The following FBLN2 variants were observed in gnomAD, a reference collection of about 807,000 sequenced individuals.
FBLN2 encodes fibulin 2.
In FBLN2, 81 loss-of-function variants were observed where a neutral mutation model predicts 123.7. The observed-to-expected ratio is 0.65, with a 90% CI of 0.55 to 0.79. The LOEUF (loss-of-function observed/expected upper bound fraction) is 0.79, where lower values mean the gene tolerates loss of function less well. FBLN2 is among the 30% of genes least tolerant of loss of function. The probability of loss-of-function intolerance (pLI) is 0.00; values close to 1 mark genes in which losing one functional copy is unlikely to be tolerated. For synonymous variants in FBLN2, 699 were observed against 701.4 expected (o/e 1.00, Z 0.05); for missense variants, 1,603 against 1,681.3 (o/e 0.95, Z 0.81).
At chr3:13,606,060 G>A (rs1705193850) in intron 2 of FBLN2, among the ~76,000 whole-genome samples, 1 of 151,792 alleles carries the variant, frequency 6.6e-6, no homozygotes. Context: ...CCAGCTTCCC[G>A]AGTAGCTAGG....
At chr3:13,603,374 C>T (rs1366836122) in intron 2 of FBLN2, among the ~76,000 whole-genome samples, 1 of 149,310 alleles carries the variant, frequency 6.7e-6, no homozygotes, top group Non-Finnish European at 1.5e-5. Context: ...TCTCCTAATG[C>T]TATCCTTCCC....
chr3:13,576,077 G>T lies in FBLN2; in HGVS notation c.1306+4416G>T, dbSNP rs561752386. 5.3e-5 allele frequency among the ~76,000 whole-genome samples: 8 copies of T among 152,336 alleles called. No individual in the cohort carries two copies. In the East Asian group the frequency reaches 1.5e-3, roughly 29 times the overall value. On this transcript the variant is annotated intron_variant, in intron 2 of 17. Transcript: ENST00000404922. ...AGCAGAGTTGGCAGGGGTGGCAGCC[G>T]GTAGGCCTGGAGGAACCCACAGAGA...
rs776385371 is a variant in FBLN2, at chr3:13,582,368, C to T, written c.1306+10707C>T. ...AGGATCTGTGCTGCGAGTTTCCCTG[C>T]GGGCAATGTCGGCATCCTCTACCTG... On this transcript the variant is annotated intron_variant, in intron 2 of 17. Transcript: ENST00000404922. 3.3e-5 allele frequency among the ~76,000 whole-genome samples: 5 copies of T among 152,162 alleles called. 1 individual carries two copies. Among genetic ancestry groups the T allele is most frequent in the Admixed American group, 1.3e-4 (2 of 15,278 alleles).
intron 1 of FBLN2, among the ~76,000 whole-genome samples, chr3:13,561,878 CCT>C (rs762818190): frequency 2.6e-5 from 4 of 152,222 alleles, no homozygotes; most frequent in Non-Finnish European, 5.9e-5. Flanking sequence ...AATCCCCACA[CCT>C]TTTACTACTT....
At chr3:13,570,237 G>C in intron 1 of FBLN2, 78 bp from the exon 2 acceptor site, 1 of 1,417,146 alleles carries the variant, frequency 7.1e-7, no homozygotes, top group Non-Finnish European at 9.2e-7. Flanking sequence ...CTGGGCCCCT[G>C]CCCGCGTGCG....
intron 2 of FBLN2, among the ~76,000 whole-genome samples, chr3:13,603,835 T>G (rs1174475326): frequency 6.6e-6 from 1 of 152,250 alleles, no homozygotes; most frequent in Non-Finnish European, 1.5e-5. Context: ...ATGGTTGAAC[T>G]AGTTTACAGT....
Position 13,570,719 on chromosome 3 carries a change from A to C in FBLN2, c.364A>C (p.Ile122Leu). The change falls in exon 2 of 18, where the codon ATC (isoleucine) becomes CTC (leucine). Residue 122 changes from isoleucine (I) to leucine (L), a missense_variant. Coordinates refer to ENST00000404922, the MANE Select transcript of FBLN2 (RefSeq NM_001004019.2). ...MLCPELPPNC[I>L]EAVVVADSCP... ...GTGCCCGGAGCTGCCGCCCAACTGC[A>C]TCGAGGCTGTAGTGGTGGCTGACAG... 1.3e-6 allele frequency: 2 copies of C among 1,599,778 alleles called. No homozygotes were observed. The highest frequency in any genetic ancestry group is 8.5e-7 in the Non-Finnish European group (1 of 1,173,478).
rs570968001 is a variant in FBLN2, at chr3:13,635,331, G to T, written c.3215-1114G>T. ...GCAGCTCATCCTCAAAGTTTCTCAA[G>T]AACCCATTTCTAAGACCTTTTGTCC... On this transcript the variant is annotated intron_variant, in intron 16 of 17. Transcript: ENST00000404922. Among the ~76,000 whole-genome samples the T allele has an allele frequency of 2.6e-5, 4 of 151,902 alleles. No homozygotes were observed. In the East Asian group the frequency reaches 7.8e-4, roughly 30 times the overall value.
At chr3:13,595,844 A>G (rs1704824774) in intron 2 of FBLN2, among the ~76,000 whole-genome samples, 1 of 152,240 alleles carries the variant, frequency 6.6e-6, no homozygotes, top group African/African-American at 2.4e-5. Flanking sequence ...TACCTGCATA[A>G]GATAAGAAAC....
intron 3 of FBLN2, 78 bp downstream of exon 3, chr3:13,608,251 C>G: frequency 9.6e-7 from 1 of 1,043,062 alleles, no homozygotes; most frequent in Non-Finnish European, 1.4e-6. Flanking sequence ...ACCCCAGGCT[C>G]CAGGCAGCCC....
chr3:13,568,499 A>G (rs13069119), intron 1 of FBLN2, among the ~76,000 whole-genome samples: 101,954 of 151,822 alleles, frequency 0.67, 34,887 homozygotes, highest in East Asian at 0.9. Context: ...TCCAGCGCTT[A>G]CAGGCACGCC....
intron 8 of FBLN2, among the ~76,000 whole-genome samples, chr3:13,621,331 C>T (rs527945451): frequency 1.1e-4 from 17 of 152,336 alleles, no homozygotes; most frequent in Admixed American, 9.1e-4. Context: ...TACAAGGGGC[C>T]CACACCCCTG....
At position 13,588,728 on chromosome 3, in the gene FBLN2, TA is replaced by T. The variant is rs1365482115; in HGVS notation, c.1306+17068del. On this transcript the variant is annotated intron_variant, in intron 2 of 17. Transcript: ENST00000404922. ...AAAAGATCCAGTTTATATTATGTGA[TA>T]TTTTTACTTTGATTTTTTATCAATC... Among the ~76,000 whole-genome samples, 3 of 152,396 alleles carry T rather than the reference TA, an allele frequency of 2.0e-5. 1 individual carries two copies. Among genetic ancestry groups the T allele is most frequent in the Admixed American group, 1.3e-4 (2 of 15,310 alleles).
At chr3:13,587,198 A>G (rs1177034832) in intron 2 of FBLN2, among the ~76,000 whole-genome samples, 6 of 151,502 alleles carry the variant, frequency 4.0e-5, no homozygotes, top group Admixed American at 2.6e-4. Context: ...AAACACATAT[A>G]GAGTAAGGAT....
At chr3:13,637,415 G>T in intron 17 of FBLN2, 147 bp from the exon 18 acceptor site, 1 of 665,672 alleles carries the variant, frequency 1.5e-6, no homozygotes, top group South Asian at 2.0e-5. Context: ...GAGACCCAGG[G>T]GACGTAAGGG....
At chr3:13,552,186 C>T (rs895441578) in intron 1 of FBLN2, among the ~76,000 whole-genome samples, 3 of 150,480 alleles carry the variant, frequency 2.0e-5, no homozygotes, top group African/African-American at 4.9e-5. Flanking sequence ...TCCCTTCCCC[C>T]ACACTGCTGC....
At chr3:13,550,591 A>C (rs2125028271) in intron 1 of FBLN2, among the ~76,000 whole-genome samples, 2 of 152,350 alleles carry the variant, frequency 1.3e-5, no homozygotes, top group South Asian at 4.1e-4. Context: ...GCAGCTGAGA[A>C]GTGTTCCCTC....
intron 16 of FBLN2, among the ~76,000 whole-genome samples, chr3:13,632,986 C>A (rs77331352): frequency 6.6e-6 from 1 of 152,212 alleles, no homozygotes; most frequent in African/African-American, 2.4e-5. Flanking sequence ...GGTGGCAGAA[C>A]ACAAGTGTGG....
intron 10 of FBLN2, among the ~76,000 whole-genome samples, chr3:13,627,229 G>C (rs1211850159): frequency 1.3e-5 from 2 of 152,046 alleles, no homozygotes; most frequent in African/African-American, 2.4e-5. Context: ...TGTTCAGGCA[G>C]AGGGGGCAGC....
Sources: gnomAD v4.1 joint callset for allele counts (sites outside exome capture counted in the v4.1 genomes callset) on GRCh38, gnomAD v4.1.1 for gene constraint, MANE v1.5 for transcripts, NCBI Gene and HGNC (gene_info 2026-07-23, HGNC 2026-07-21) for gene names.